The following SNX24 variants were observed in gnomAD, a reference collection of about 807,000 sequenced individuals.
SNX24 encodes the protein sorting nexin-24.
A neutral mutation model predicts 28.7 loss-of-function variants in SNX24; 22 were observed. That is an observed-to-expected ratio of 0.77 (90% CI 0.55 to 1.10). The LOEUF is 1.10. Among genes scored for constraint, SNX24 ranks in the 50% least tolerant of loss-of-function variants. SNX24 has a pLI of 0.00. For synonymous variants in SNX24, 69 were observed against 71.5 expected (o/e 0.96, Z 0.18); for missense variants, 221 against 201.1 (o/e 1.10, Z -0.60).
In SNX24 at chr5:123,004,124, G is replaced by A. The variant is rs944851218; in HGVS notation, c.442+2120G>A. Among the ~76,000 whole-genome samples, 3 of 152,164 alleles carry A rather than the reference G, an allele frequency of 2.0e-5. No homozygotes were observed. In the East Asian group the frequency reaches 5.8e-4, roughly 29 times the overall value. On this transcript the variant is annotated intron_variant, in intron 6 of 6. Coordinates refer to ENST00000261369, the MANE Select transcript of SNX24 (RefSeq NM_014035.4). ...ATTTCTTCACAGATGTACTGACCCC[G>A]CCCCCTACAAAGTCAGAGGAGTGTC...
In SNX24 at chr5:122,940,214, G is replaced by A. The variant is rs560697834; in HGVS notation, c.144+3397G>A. Among the ~76,000 whole-genome samples the A allele has an allele frequency of 4.6e-5, 7 of 152,002 alleles. No homozygotes were observed. The South Asian group carries it at 1.2e-3, about 27-fold the overall frequency. ...TCGCCATGTTGGCCAGGCTAGTTTCGAACTCCTGACCTCAGGTGATCCACC... is the reference window on the plus strand; with the variant it reads ...TCGCCATGTTGGCCAGGCTAGTTTCAAACTCCTGACCTCAGGTGATCCACC... On this transcript the variant is annotated intron_variant, in intron 2 of 6. Transcript: ENST00000261369.
At chr5:122,888,755 A>G (rs969735735) in intron 1 of SNX24, among the ~76,000 whole-genome samples, 3 of 152,188 alleles carry the variant, frequency 2.0e-5, no homozygotes, top group Non-Finnish European at 4.4e-5. Context: ...TTCCCTAGAA[A>G]TGGACTTTTG....
intron 1 of SNX24, among the ~76,000 whole-genome samples, chr5:122,869,530 A>G (rs1017311858): frequency 3.3e-5 from 5 of 152,234 alleles, no homozygotes; most frequent in Non-Finnish European, 7.3e-5. Context: ...CTTGACTGAC[A>G]TGAATGCTTA....
chr5:122,938,759 T>A (rs1432390926), intron 2 of SNX24, among the ~76,000 whole-genome samples: 1 of 18,528 alleles, frequency 5.4e-5, no homozygotes, highest in Non-Finnish European at 7.7e-5. Flanking sequence ...GCTAACACGG[T>A]GAAACCCCGT....
At chr5:122,855,992 G>A (rs1755172325) in intron 1 of SNX24, among the ~76,000 whole-genome samples, 3 of 152,186 alleles carry the variant, frequency 2.0e-5, no homozygotes, top group African/African-American at 7.2e-5. Flanking sequence ...TAGGTTCGGG[G>A]GTACATGTGC....
intron 3 of SNX24, among the ~76,000 whole-genome samples, chr5:122,979,400 C>T (rs368022219): frequency 3.9e-5 from 6 of 152,144 alleles, no homozygotes; most frequent in Non-Finnish European, 8.8e-5. Context: ...GCCTGCAACC[C>T]GGCATGCCCA....
intron 1 of SNX24, among the ~76,000 whole-genome samples, chr5:122,907,975 G>T (rs965373612): frequency 6.6e-6 from 1 of 150,888 alleles, no homozygotes; most frequent in Admixed American, 6.6e-5. Flanking sequence ...TGGTATATTT[G>T]TCAGGACAGA....
intron 1 of SNX24, among the ~76,000 whole-genome samples, chr5:122,915,216 A>G (rs1758106445): frequency 6.6e-6 from 1 of 152,070 alleles, no homozygotes; most frequent in Non-Finnish European, 1.5e-5. Flanking sequence ...CTCCATCTCC[A>G]TCATCACTCT....
intron 3 of SNX24, among the ~76,000 whole-genome samples, chr5:122,958,259 A>T (rs68143618): frequency 1.2e-3 from 71 of 58,956 alleles, no homozygotes; most frequent in South Asian, 7.9e-3. Flanking sequence ...CAAAAAAAAA[A>T]TTTTTTTTTT....
At chr5:123,010,301 T>C (rs995592081), downstream of SNX24, among the ~76,000 whole-genome samples, 4 of 152,088 alleles carry the variant, frequency 2.6e-5, no homozygotes, top group Non-Finnish European at 5.9e-5. Flanking sequence ...ACTTTTTTTT[T>C]TTTTTTGAAG....
chr5:122,971,769 A>G (rs1190307228), intron 3 of SNX24, among the ~76,000 whole-genome samples: 1 of 152,232 alleles, frequency 6.6e-6, no homozygotes, highest in African/African-American at 2.4e-5. Flanking sequence ...TACAGTCCTC[A>G]TTCATGCAAC....
chr5:122,907,685 C>T (rs1051311785), intron 1 of SNX24, among the ~76,000 whole-genome samples: 9 of 152,066 alleles, frequency 5.9e-5, no homozygotes, highest in African/African-American at 2.2e-4. Context: ...AATTTGTATG[C>T]AGAGGGGCTT....
chr5:122,900,002 T>C (rs1343233506), intron 1 of SNX24, among the ~76,000 whole-genome samples: 1 of 152,052 alleles, frequency 6.6e-6, no homozygotes, highest in Non-Finnish European at 1.5e-5. Flanking sequence ...ATTTAAGATG[T>C]GCAATATGGT....
rs557752996 is a variant in SNX24, at chr5:122,929,208, A to G, written c.61-7526A>G. On this transcript the variant is annotated intron_variant, in intron 1 of 6. Transcript: ENST00000261369. ...TTCACTGCCTGGCTGTACCACAGTCAGCTGCTTCCGGCCTCTCACCTGCTG... is the reference window on the plus strand; with the variant it reads ...TTCACTGCCTGGCTGTACCACAGTCGGCTGCTTCCGGCCTCTCACCTGCTG... Among the ~76,000 whole-genome samples the G allele has an allele frequency of 2.0e-5, 3 of 152,206 alleles. No individual in the cohort carries two copies. The South Asian group carries it at 6.2e-4, about 32-fold the overall frequency.
intron 3 of SNX24, among the ~76,000 whole-genome samples, chr5:122,966,411 G>A (rs1760715923): frequency 6.6e-6 from 1 of 152,236 alleles, no homozygotes; most frequent in Non-Finnish European, 1.5e-5. Flanking sequence ...TTTAGGCCAT[G>A]TGAGCCATAT....
At chr5:122,911,819 A>G (rs1757903103) in intron 1 of SNX24, among the ~76,000 whole-genome samples, 2 of 124,316 alleles carry the variant, frequency 1.6e-5, no homozygotes, top group African/African-American at 6.6e-5. Flanking sequence ...GTTCTGTTCC[A>G]TTGATCTATA....
intron 3 of SNX24, among the ~76,000 whole-genome samples, chr5:122,958,825 G>T (rs957094313): frequency 6.6e-6 from 1 of 151,986 alleles, no homozygotes; most frequent in African/African-American, 2.4e-5. Flanking sequence ...CTTCTAAAGT[G>T]CTGGGATTAT....
At chr5:122,966,538 A>G (rs960934798) in intron 3 of SNX24, among the ~76,000 whole-genome samples, 2 of 152,248 alleles carry the variant, frequency 1.3e-5, no homozygotes, top group African/African-American at 4.8e-5. Context: ...GGCAGCAGCC[A>G]GACCTAATTT....
At chr5:122,978,415 G>A (rs1761255061) in intron 3 of SNX24, among the ~76,000 whole-genome samples, 1 of 152,164 alleles carries the variant, frequency 6.6e-6, no homozygotes, top group African/African-American at 2.4e-5. Flanking sequence ...ACATGGCAGT[G>A]TATATTTTTT....
Sources: allele counts gnomAD v4.1 joint callset (sites outside exome capture counted in the v4.1 genomes callset), GRCh38; gene constraint gnomAD v4.1.1; transcripts MANE v1.5; gene names NCBI Gene and HGNC (gene_info 2026-07-23, HGNC 2026-07-21).